Variants in GIGYF2 observed in about 807,000 individuals in gnomAD.
The protein encoded by GIGYF2 is GRB10 interacting GYF protein 2, also known as GRB10-interacting GYF protein 2.
GIGYF2 carries 25 observed loss-of-function variants against 208.1 expected under a neutral mutation model. The ratio of observed to expected loss-of-function variants is 0.12; its 90% CI spans 0.09 to 0.17. The LOEUF (loss-of-function observed/expected upper bound fraction) is 0.17. Among genes scored for constraint, GIGYF2 ranks in the 10% least tolerant of loss-of-function variants. GIGYF2 has a pLI of 1.00. For missense variants in GIGYF2, 1,302 were observed against 1,579.4 expected (o/e 0.82, Z 2.98); for synonymous variants, 534 against 543.8 (o/e 0.98, Z 0.25).
At chr2:232,745,462 G>GT (rs1332985551) in intron 3 of GIGYF2, among the ~76,000 whole-genome samples, 1 of 152,126 alleles carries the variant, frequency 6.6e-6, no homozygotes, top group African/African-American at 2.4e-5. Context: ...AGATGAGACA[G>GT]TTTGAACACT....
At chr2:232,718,952 T>C (rs71421657) in intron 2 of GIGYF2, 10,488 of 152,246 alleles carry the variant, frequency 0.069, 477 homozygotes, top group East Asian at 0.19. Context: ...ATATTTTTTC[T>C]GGGTAAGTTT....
Position 232,791,416 on chromosome 2 carries a change from C to G in GIGYF2, c.1252C>G (p.Leu418Val), listed in dbSNP as rs747901759. ...AGAGGAGACTCGGATGGAAAATAGT[C>G]TACCAGCCAAAGTGCCCAGCAGAGG... The part of the protein sequence containing the change: ...AEEETRMENS[L>V]PAKVPSRGDE... Residue 418 changes from leucine to valine, a missense_variant, in exon 12 of 29, where the codon CTA becomes GTA. Physicochemically the swap from Leu to Val is conservative, Grantham distance 32 (BLOSUM62 1). This residue lies in a region of GIGYF2 where 235 missense variants were observed against 218.8 expected (regional missense o/e 1.07). Coordinates refer to ENST00000373563, the MANE Select transcript of GIGYF2 (RefSeq NM_001103146.3). The G allele has an allele frequency of 2.5e-6, 4 of 1,613,960 alleles. No homozygotes were observed. Among genetic ancestry groups the G allele is most frequent in the Non-Finnish European group, 2.5e-6 (3 of 1,179,956 alleles).
intron 8 of GIGYF2, among the ~76,000 whole-genome samples, chr2:232,784,675 C>T (rs575163961): frequency 6.6e-6 from 1 of 152,016 alleles, no homozygotes; most frequent in African/African-American, 2.4e-5. Flanking sequence ...CCGCGCCTGG[C>T]CACAAAATAA....
At chr2:232,792,403 A>G (rs1348028411) in intron 12 of GIGYF2, among the ~76,000 whole-genome samples, 6 of 152,166 alleles carry the variant, frequency 3.9e-5, no homozygotes, top group Admixed American at 3.3e-4. Context: ...GAATTTTTCA[A>G]TTTTTTAAAT....
chr2:232,790,046 C>G (rs770048421), intron 9 of GIGYF2, among the ~76,000 whole-genome samples: 8 of 151,962 alleles, frequency 5.3e-5, no homozygotes, highest in African/African-American at 1.2e-4. Context: ...TTGCCATGTG[C>G]GAGTTACTTC....
At chr2:232,851,062 G>T (rs1319725691) in intron 28 of GIGYF2, among the ~76,000 whole-genome samples, 1 of 152,130 alleles carries the variant, frequency 6.6e-6, no homozygotes, top group Non-Finnish European at 1.5e-5. Context: ...GGCAGGCTGG[G>T]CACGGTGGCT....
chr2:232,745,101 C>A (rs574711574), intron 3 of GIGYF2, among the ~76,000 whole-genome samples: 1 of 152,050 alleles, frequency 6.6e-6, no homozygotes. Context: ...GGGGTAGTTC[C>A]TTTCTTCTTG....
chr2:232,782,210 A>AAT (rs1699743365), intron 8 of GIGYF2, among the ~76,000 whole-genome samples: 2 of 151,502 alleles, frequency 1.3e-5, no homozygotes, highest in African/African-American at 4.9e-5. Context: ...TTTTTAAAAA[A>AAT]TTTTTTTTTA....
chr2:232,791,503 A>G (rs1396764886), intron 12 of GIGYF2, 57 bp downstream of exon 12: 6 of 1,460,058 alleles, frequency 4.1e-6, no homozygotes, highest in Non-Finnish European at 5.7e-6. Flanking sequence ...GCCAGTGATC[A>G]CTGATAAGTT....
At chr2:232,771,412 T>C in intron 8 of GIGYF2, 1 of 1,345,904 alleles carries the variant, frequency 7.4e-7, no homozygotes, top group Non-Finnish European at 1.1e-6. Flanking sequence ...AGCTCTTAAC[T>C]GTTTTATAGT....
At chr2:232,832,737 A>G in intron 21 of GIGYF2, 120 bp from the exon 22 acceptor site, 1 of 727,456 alleles carries the variant, frequency 1.4e-6, no homozygotes, top group Non-Finnish European at 2.3e-6. Flanking sequence ...CATCATGAAC[A>G]GAGTTTCTGC....
chr2:232,781,207 C>CCTCGGCCT (rs1469311796), intron 8 of GIGYF2, among the ~76,000 whole-genome samples: 1 of 151,788 alleles, frequency 6.6e-6, no homozygotes, highest in Non-Finnish European at 1.5e-5. Flanking sequence ...GATCTGCCCG[C>CCTCGGCCT]CTCGGCCTCT....
intron 2 of GIGYF2, among the ~76,000 whole-genome samples, chr2:232,714,250 C>A (rs1352583438): frequency 1.3e-5 from 2 of 152,204 alleles, no homozygotes; most frequent in South Asian, 4.2e-4. Flanking sequence ...CATGCCGGAC[C>A]GAGGAACTGA....
chr2:232,824,310 G>T (rs189734505), intron 21 of GIGYF2, among the ~76,000 whole-genome samples: 210 of 152,302 alleles, frequency 1.4e-3, no homozygotes, highest in African/African-American at 4.9e-3. Flanking sequence ...CCAAAGGCTA[G>T]GACCCCCTGT....
chr2:232,760,894 A>C (rs1239226119), intron 7 of GIGYF2, among the ~76,000 whole-genome samples: 1 of 151,634 alleles, frequency 6.6e-6, no homozygotes, highest in African/African-American at 2.4e-5. Flanking sequence ...TCTTCTCTCT[A>C]TATTGTTTGT....
intron 5 of GIGYF2, among the ~76,000 whole-genome samples, chr2:232,750,633 C>A (rs572453653): frequency 1.4e-4 from 21 of 151,734 alleles, no homozygotes; most frequent in Non-Finnish European, 2.8e-4. Flanking sequence ...GATGTTTATT[C>A]ATCATTTATA....
At chr2:232,816,357 C>G (rs926870162) in intron 19 of GIGYF2, among the ~76,000 whole-genome samples, 1 of 152,198 alleles carries the variant, frequency 6.6e-6, no homozygotes, top group Non-Finnish European at 1.5e-5. Flanking sequence ...CCCCTGAGGT[C>G]GTGACAGTCT....
intron 21 of GIGYF2, 127 bp from the exon 22 acceptor site, chr2:232,832,730 C>G (rs145468988): frequency 8.5e-6 from 6 of 705,872 alleles, no homozygotes; most frequent in Non-Finnish European, 1.5e-5. Context: ...CTTGCATCAT[C>G]ATGAACAGAG....
chr2:232,796,258 G>A, intron 14 of GIGYF2, 37 bp downstream of exon 14: 2 of 1,306,424 alleles, frequency 1.5e-6, no homozygotes, highest in Non-Finnish European at 2.2e-6. Flanking sequence ...ACTGAAGTGT[G>A]TGCCATTACC....
Sources: allele counts gnomAD v4.1 joint callset (sites outside exome capture counted in the v4.1 genomes callset), GRCh38; gene constraint gnomAD v4.1.1; regional missense constraint gnomAD v4.1.1; transcripts MANE v1.5; gene names NCBI Gene and HGNC (gene_info 2026-07-23, HGNC 2026-07-21).